Variants in CLEC16A observed in about 807,000 individuals in gnomAD.
The protein encoded by CLEC16A is protein CLEC16A.
A neutral mutation model predicts 109.5 loss-of-function variants in CLEC16A; 51 were observed. The ratio of observed to expected loss-of-function variants is 0.47; its 90% CI spans 0.37 to 0.59. The LOEUF (loss-of-function observed/expected upper bound fraction) is 0.59. Among genes scored for constraint, CLEC16A ranks in the 20% least tolerant of loss-of-function variants. The pLI, the probability that CLEC16A is intolerant of heterozygous loss-of-function variation, is 0.00. For missense variants in CLEC16A, 1,339 were observed against 1,394.0 expected (o/e 0.96, Z 0.63); for synonymous variants, 673 against 564.2 (o/e 1.19, Z -2.73).
chr16:11,128,463 C>A (rs13334312), intron 22 of CLEC16A, among the ~76,000 whole-genome samples: 27,790 of 152,186 alleles, frequency 0.18, 2,723 homozygotes, highest in African/African-American at 0.26. Flanking sequence ...CCAACTGGGA[C>A]AACAGCAAGT....
At chr16:11,020,910 A>G (rs2046060722) in intron 12 of CLEC16A, among the ~76,000 whole-genome samples, 1 of 152,310 alleles carries the variant, frequency 6.6e-6, no homozygotes, top group South Asian at 2.1e-4. Context: ...CCACAATGGG[A>G]TTGGAGGGAA....
chr16:10,984,679 C>T (rs1200408879), intron 10 of CLEC16A, among the ~76,000 whole-genome samples: 2 of 152,182 alleles, frequency 1.3e-5, no homozygotes, highest in African/African-American at 4.8e-5. Flanking sequence ...AAATGTACAG[C>T]TGACTCAGAG....
intron 12 of CLEC16A, among the ~76,000 whole-genome samples, chr16:11,022,087 G>C (rs1379374546): frequency 6.6e-6 from 1 of 152,138 alleles, no homozygotes; most frequent in Admixed American, 6.5e-5. Context: ...TGGGCATCTT[G>C]AAGCACATGG....
intron 11 of CLEC16A, among the ~76,000 whole-genome samples, chr16:11,006,462 A>T (rs945013337): frequency 6.6e-6 from 1 of 152,054 alleles, no homozygotes; most frequent in Non-Finnish European, 1.5e-5. Context: ...TTTCTCTTCC[A>T]CATTATTTCT....
At chr16:11,140,927 T>A (rs2053795579) in intron 22 of CLEC16A, among the ~76,000 whole-genome samples, 1 of 152,206 alleles carries the variant, frequency 6.6e-6, no homozygotes, top group Non-Finnish European at 1.5e-5. Flanking sequence ...GGGCTGATGA[T>A]AGGACCTGCC....
rs532254237 is a variant in CLEC16A at position 11,174,974 on chromosome 16, T to G, written c.2807-3361T>G. 6.6e-6 allele frequency among the ~76,000 whole-genome samples: 1 copy of G among 152,354 alleles called. No homozygotes were observed. Among genetic ancestry groups the G allele is most frequent in the East Asian group, 1.9e-4 (1 of 5,184 alleles). On this transcript the variant is annotated intron_variant, in intron 23 of 23. Coordinates refer to ENST00000409790, the MANE Select transcript of CLEC16A (RefSeq NM_015226.3). This position sits in a 1 kb window ranked among gnomAD's most constrained non-coding sequence, Gnocchi z 4.7. ...TTCTTCTGTGGTTTCTGATGCGCTT[T>G]TCTCCATTGGCCGTTGCGCTTGTCT...
intron 10 of CLEC16A, among the ~76,000 whole-genome samples, chr16:10,995,876 A>G (rs1434731605): frequency 5.9e-5 from 9 of 152,168 alleles, no homozygotes; most frequent in Admixed American, 5.9e-4. Context: ...GAGCTGTTTG[A>G]GGAAGCATCC....
intron 23 of CLEC16A, among the ~76,000 whole-genome samples, chr16:11,175,703 T>C (rs552329548): frequency 1.3e-5 from 2 of 152,350 alleles, no homozygotes; most frequent in African/African-American, 4.8e-5. Context: ...ACCCTTTTAA[T>C]AAAAATTGTT....
chr16:11,069,796 G>T (rs997649030), intron 19 of CLEC16A, among the ~76,000 whole-genome samples: 1 of 151,506 alleles, frequency 6.6e-6, no homozygotes, highest in Non-Finnish European at 1.5e-5. Flanking sequence ...AAAATGAGCA[G>T]ATTTTAAAAA....
intron 2 of CLEC16A, 51 bp from the exon 3 acceptor site, chr16:10,962,404 T>TG (rs1253258106): frequency 6.2e-7 from 1 of 1,609,026 alleles, no homozygotes; most frequent in Non-Finnish European, 8.5e-7. Context: ...TAATAATTTC[T>TG]GTTTCCACAT....
intron 23 of CLEC16A, among the ~76,000 whole-genome samples, chr16:11,168,563 G>C (rs577612839): frequency 6.6e-5 from 10 of 152,342 alleles, no homozygotes; most frequent in Admixed American, 3.9e-4. Context: ...CCGGTGGGCA[G>C]CCTGGGCTTT....
At chr16:10,985,081 C>T (rs1358038617) in intron 10 of CLEC16A, among the ~76,000 whole-genome samples, 2 of 151,412 alleles carry the variant, frequency 1.3e-5, no homozygotes, top group Non-Finnish European at 2.9e-5. Flanking sequence ...CAGGCGCCTG[C>T]AGTCTCAGCT....
At chr16:11,015,713 C>G (rs1203652312) in intron 11 of CLEC16A, among the ~76,000 whole-genome samples, 3 of 152,254 alleles carry the variant, frequency 2.0e-5, no homozygotes, top group African/African-American at 4.8e-5. Context: ...CTGCTGGTGT[C>G]CAACGAGATT....
chr16:11,043,883 GAA>G (rs35371708), intron 15 of CLEC16A, 143 bp from the exon 16 acceptor site: 384 of 449,144 alleles, frequency 8.5e-4, no homozygotes, highest in South Asian at 1.4e-3. Context: ...CAAGAAAAGG[GAA>G]AAAAAAAAAA....
At chr16:10,992,226 C>A (rs147927220) in intron 10 of CLEC16A, among the ~76,000 whole-genome samples, 1 of 152,268 alleles carries the variant, frequency 6.6e-6, no homozygotes, top group Non-Finnish European at 1.5e-5. Context: ...CTCCTCCTGT[C>A]TAATTGGAAC....
intron 22 of CLEC16A, among the ~76,000 whole-genome samples, chr16:11,135,581 C>T (rs1380386617): frequency 6.6e-6 from 1 of 152,216 alleles, no homozygotes; most frequent in South Asian, 2.1e-4. Flanking sequence ...CTAACTCATA[C>T]TGCCAAAGCG....
chr16:11,172,919 G>A (rs987320291), intron 23 of CLEC16A, among the ~76,000 whole-genome samples: 1 of 152,064 alleles, frequency 6.6e-6, no homozygotes, highest in Non-Finnish European at 1.5e-5. Context: ...ACCACATTGG[G>A]TTATGAGTCA....
intron 17 of CLEC16A, among the ~76,000 whole-genome samples, chr16:11,050,578 T>G (rs1291819868): frequency 6.6e-6 from 1 of 152,224 alleles, no homozygotes; most frequent in Non-Finnish European, 1.5e-5. Context: ...TGTGCATTGA[T>G]TACTACTACT....
intron 11 of CLEC16A, among the ~76,000 whole-genome samples, chr16:11,013,795 C>T (rs369359091): frequency 5.3e-5 from 8 of 150,728 alleles, no homozygotes; most frequent in African/African-American, 1.7e-4. Flanking sequence ...AAAAATGAGC[C>T]GGGCATGGTG....
Sources: gnomAD v4.1 joint callset for allele counts (sites outside exome capture counted in the v4.1 genomes callset) on GRCh38, gnomAD v4.1.1 for gene constraint, Gnocchi (gnomAD v3.1) non-coding constraint, MANE v1.5 for transcripts, NCBI Gene and HGNC (gene_info 2026-07-23, HGNC 2026-07-21) for gene names.